TUBGCP2: variants seen among roughly 807,000 people sequenced by gnomAD.
The protein encoded by TUBGCP2 is gamma-tubulin complex component 2.
Under a neutral mutation model 92.2 loss-of-function variants are expected in TUBGCP2, and 55 were observed. That is an observed-to-expected ratio of 0.60 (90% confidence interval 0.48 to 0.75). The LOEUF is 0.75. TUBGCP2 is among the 30% of genes least tolerant of loss of function. TUBGCP2 has a pLI of 0.00. For synonymous variants in TUBGCP2, 533 were observed against 505.2 expected (o/e 1.06, Z -0.74); for missense variants, 1,093 against 1,188.9 (o/e 0.92, Z 1.19).
upstream of TUBGCP2, chr10:133,309,357 C>G: frequency 6.2e-7 from 1 of 1,600,866 alleles, no homozygotes; most frequent in Non-Finnish European, 8.5e-7. Context: ...CCGCGAGTCA[C>G]CTGGCCCCGC....
chr10:133,297,669 C>A (rs1217766608), intron 5 of TUBGCP2, among the ~76,000 whole-genome samples: 2 of 152,240 alleles, frequency 1.3e-5, no homozygotes, highest in East Asian at 1.9e-4. Flanking sequence ...GAGGGGCCTG[C>A]TGCAGGCTGC....
intron 8 of TUBGCP2, among the ~76,000 whole-genome samples, chr10:133,291,320 G>T (rs1261503919): frequency 2.8e-4 from 13 of 45,618 alleles, no homozygotes; most frequent in Non-Finnish European, 4.7e-4. Flanking sequence ...GTACGGGAGA[G>T]GGCAGCATGC....
At chr10:133,299,139 G>C (rs1290860736) in intron 4 of TUBGCP2, among the ~76,000 whole-genome samples, 1 of 152,190 alleles carries the variant, frequency 6.6e-6, no homozygotes, top group African/African-American at 2.4e-5. Flanking sequence ...GGTAGGCTCA[G>C]AGTCACGTGG....
At chr10:133,309,161 G>A, upstream of TUBGCP2, 1 of 1,378,764 alleles carries the variant, frequency 7.3e-7, no homozygotes, top group Non-Finnish European at 9.4e-7. Flanking sequence ...GGCGAGGCGG[G>A]GCCGGAGCCT....
chr10:133,303,075 C>G, intron 1 of TUBGCP2, 95 bp from the exon 2 acceptor site: 1 of 1,201,052 alleles, frequency 8.3e-7, no homozygotes, highest in Non-Finnish European at 1.2e-6. Context: ...CAGGCTTTGA[C>G]AAACCAAGTT....
At position 133,283,229 on chromosome 10, in the gene TUBGCP2, G is replaced by A. The variant is rs201006872; in HGVS notation, c.2146-8C>T. On this transcript the variant is annotated splice_region_variant and splice_polypyrimidine_tract_variant and intron_variant, in intron 14 of 17. Coordinates refer to ENST00000252936, the MANE Select transcript of TUBGCP2 (RefSeq NM_006659.4). Reference sequence around the variant, plus strand: ...GTCGTCAATGTTGGAGGCCTGCGGGGAACAGGCCAAGCCCCTTCTCAGAAA... The same window carrying A: ...GTCGTCAATGTTGGAGGCCTGCGGGAAACAGGCCAAGCCCCTTCTCAGAAA... 1.9e-6 allele frequency: 3 copies of A among 1,614,158 alleles called. No homozygotes were observed. Among genetic ancestry groups the A allele is most frequent in the South Asian group, 2.2e-5 (2 of 91,078 alleles).
rs72864793 is a variant in TUBGCP2 at position 133,292,487 on chromosome 10, G to A, written c.1214+12C>T. ...GTGTCCCTCCGTGTCCCCGTGTCCC[G>A]GGGAGCCCTACCTGTATGGGTCGTG... On this transcript the variant is annotated intron_variant, in intron 8 of 17. Transcript: ENST00000252936. The A allele has an allele frequency of 0.21, 170,535 of 794,902 alleles. 45,244 individuals carry two copies. The highest frequency in any genetic ancestry group is 0.37 in the Middle Eastern group (1,000 of 2,712). The allele number at this position is 794,902 out of a possible 1,614,324, so 49.2% of individuals were successfully genotyped here.
In TUBGCP2 at chr10:133,285,391, C is replaced by T; in HGVS notation, c.1895+65G>A. On this transcript the variant is annotated intron_variant, in intron 12 of 17. Coordinates refer to ENST00000252936, the MANE Select transcript of TUBGCP2 (RefSeq NM_006659.4). This position sits in a 1 kb window ranked among gnomAD's most constrained non-coding sequence, Gnocchi z 6.8. Reference sequence around the variant, plus strand: ...GTGGGACGAGGTGGCCACCGCGTGGCACAGTTCTCGCTTCTGCCAAACCTG... The same window carrying T: ...GTGGGACGAGGTGGCCACCGCGTGGTACAGTTCTCGCTTCTGCCAAACCTG... 1 of 1,608,278 alleles carries T rather than the reference C, an allele frequency of 6.2e-7. No individual in the cohort carries two copies. The highest frequency in any genetic ancestry group is 8.5e-7 in the Non-Finnish European group (1 of 1,178,138).
chr10:133,311,433 G>A (rs1197813258), upstream of TUBGCP2, among the ~76,000 whole-genome samples: 3 of 152,252 alleles, frequency 2.0e-5, no homozygotes, highest in South Asian at 4.1e-4. Context: ...AAAAAGACCC[G>A]TGGCACCGTT....
At chr10:133,311,711 C>G (rs371065979), upstream of TUBGCP2, 105 of 1,610,764 alleles carry the variant, frequency 6.5e-5, no homozygotes, top group African/African-American at 1.3e-3. Context: ...GCTCTCTCCC[C>G]GCAGCCCAGC....
At chr10:133,282,158 A>C in intron 16 of TUBGCP2, 65 bp downstream of exon 16, 2 of 1,606,834 alleles carry the variant, frequency 1.2e-6, no homozygotes, top group Non-Finnish European at 1.7e-6. Flanking sequence ...CTGCGTCAGG[A>C]TGCCCAGGCT....
At chr10:133,286,579 C>T (rs1204493517) in intron 11 of TUBGCP2, among the ~76,000 whole-genome samples, 10 of 152,042 alleles carry the variant, frequency 6.6e-5, no homozygotes, top group Middle Eastern at 3.4e-3. Flanking sequence ...GTCCTCCTCC[C>T]GCGCGCACGG....
intron 1 of TUBGCP2, among the ~76,000 whole-genome samples, chr10:133,307,930 G>A (rs567697720): frequency 3.3e-5 from 5 of 152,214 alleles, no homozygotes; most frequent in Non-Finnish European, 7.3e-5. Context: ...GTAACACAGA[G>A]ATATTTGTGT....
chr10:133,298,091 CT>C lies in TUBGCP2; in HGVS notation c.476del (p.Lys159ArgfsTer29). 6.2e-7 allele frequency: 1 copy of C among 1,614,030 alleles called. No homozygotes were observed. Among genetic ancestry groups the C allele is most frequent in the Non-Finnish European group, 8.5e-7 (1 of 1,179,992 alleles). On this transcript the variant is annotated frameshift_variant, in exon 5 of 18. Coordinates refer to ENST00000252936, the MANE Select transcript of TUBGCP2 (RefSeq NM_006659.4). LOFTEE classifies it high-confidence loss of function. ...TTTTGTTCTGCTTGTCTCGAAGCAT[CT>C]TTCTTTTAAGTTCCAGAGACTAGCA... ...TLQQSLELKRKMLRDKQNKKN... is the reference protein window; with the variant it reads ...TLQQSLELKRXMLRDKQNKKN...
intron 8 of TUBGCP2, among the ~76,000 whole-genome samples, chr10:133,291,286 CCTGTGT>C: frequency 1.2e-5 from 1 of 82,126 alleles, no homozygotes; most frequent in Non-Finnish European, 2.1e-5. Flanking sequence ...CCTCCGTGTC[CCTGTGT>C]CCCGGGGAGC....
chr10:133,293,295 T>C (rs760444798), intron 6 of TUBGCP2, 57 bp from the exon 7 acceptor site: 1 of 1,572,374 alleles, frequency 6.4e-7, no homozygotes, highest in Non-Finnish European at 8.7e-7. Flanking sequence ...ACATACAATG[T>C]CCGATATTCT....
At position 133,279,897 on chromosome 10, in the gene TUBGCP2, C is replaced by T; in HGVS notation, c.2578G>A (p.Asp860Asn). 1 of 1,609,534 alleles carries T rather than the reference C, an allele frequency of 6.2e-7. No individual in the cohort carries two copies. The change falls in exon 18 of 18, where the codon GAC becomes AAC. Residue 860 changes from aspartate to asparagine, a missense_variant. Asp to Asn is a conservative substitution (Grantham distance 23). This residue lies in a region of TUBGCP2 where 598 missense variants were observed against 675.5 expected (regional missense o/e 0.89). Coordinates refer to ENST00000252936, the MANE Select transcript of TUBGCP2 (RefSeq NM_006659.4). ...CGCTCCGTGTAGAAACCATTGAAGTCAAGCCTGTGAGGAAGGACAGTGGAG... is the reference window on the plus strand; with the variant it reads ...CGCTCCGTGTAGAAACCATTGAAGTTAAGCCTGTGAGGAAGGACAGTGGAG... ...HGMASVISRL[D>N]FNGFYTERLE...
At chr10:133,296,620 G>C (rs551195702) in intron 5 of TUBGCP2, among the ~76,000 whole-genome samples, 1 of 152,030 alleles carries the variant, frequency 6.6e-6, no homozygotes, top group Admixed American at 6.6e-5. Flanking sequence ...TGGGACTACA[G>C]GTGCACGCTA....
rs1193979724 is a variant in TUBGCP2, at chr10:133,291,254, GTCCCTCCGTGTCCCCCA to G, written c.1214+1228_1214+1244del. ...AGCACGCGCCCTCCGTGTCCCCCATGTCCCTCCGTGTCCCCCATGTCCCTCCGTGTCCCTGTGTCCCG... is the reference window on the plus strand; with the variant it reads ...AGCACGCGCCCTCCGTGTCCCCCATGTGTCCCTCCGTGTCCCTGTGTCCCG... On this transcript the variant is annotated intron_variant, in intron 8 of 17. Transcript: ENST00000252936. Among the ~76,000 whole-genome samples, 38 of 65,514 alleles carry G rather than the reference GTCCCTCCGTGTCCCCCA, an allele frequency of 5.8e-4. 4 individuals are homozygous for G. In the African/African-American group the frequency reaches 0.01, roughly 18 times the overall value. 43.0% of individuals were successfully genotyped at this position (65,514 alleles called of 152,430 possible).
Sources: allele counts gnomAD v4.1 joint callset (sites outside exome capture counted in the v4.1 genomes callset), GRCh38; gene constraint gnomAD v4.1.1; regional missense constraint gnomAD v4.1.1; non-coding constraint Gnocchi (gnomAD v3.1); transcripts MANE v1.5; gene names NCBI Gene and HGNC (gene_info 2026-07-23, HGNC 2026-07-21).